The following HLCS variants were observed in gnomAD, a reference collection of about 807,000 sequenced individuals.
HLCS encodes biotin--protein ligase.
In HLCS, 53 loss-of-function variants were observed where a neutral mutation model predicts 75.0. The observed-to-expected ratio is 0.71, with a 90% CI of 0.57 to 0.89. The LOEUF (loss-of-function observed/expected upper bound fraction) is 0.89, where lower values mean the gene tolerates loss of function less well. Ranked by LOEUF, HLCS falls within the 40% of genes least tolerant of loss-of-function variation. HLCS has a pLI of 0.00. For missense variants in HLCS, 966 were observed against 1,074.0 expected, an observed-to-expected ratio of 0.90 and a Z score of 1.41; for synonymous variants, 431 against 428.6, an observed-to-expected ratio of 1.01 and a Z score of -0.07.
intron 2 of HLCS, among the ~76,000 whole-genome samples, chr21:36,958,311 C>T (rs2146645359): frequency 6.6e-6 from 1 of 151,592 alleles, no homozygotes; most frequent in South Asian, 2.1e-4. Context: ...GTCGTATCAA[C>T]AGCTGGTCGT....
At chr21:36,984,370 TAATAA>T (rs1248289605) in intron 1 of HLCS, among the ~76,000 whole-genome samples, 7 of 152,144 alleles carry the variant, frequency 4.6e-5, no homozygotes, top group Non-Finnish European at 1.0e-4. Context: ...AATAAACTAA[TAATAA>T]AATTAAATAA....
At chr21:36,768,688 G>A (rs1601158276) in intron 6 of HLCS, among the ~76,000 whole-genome samples, 2 of 152,208 alleles carry the variant, frequency 1.3e-5, no homozygotes, top group African/African-American at 2.4e-5. Flanking sequence ...TGGCCTCGCC[G>A]CCCATGTGCC....
intron 5 of HLCS, among the ~76,000 whole-genome samples, chr21:36,909,650 T>C (rs1029164557): frequency 1.4e-4 from 21 of 152,286 alleles, no homozygotes; most frequent in African/African-American, 5.1e-4. Context: ...TGGAGTGCAA[T>C]GACGTGATCA....
Position 36,962,179 on chromosome 21 carries a change from AG to A in HLCS, c.196-10del. ...TTCAAGTCTTCAATGGACTGTATAG[AG>A]GGAAAGAAATATAATGAGATTGTCA... On this transcript the variant is annotated splice_polypyrimidine_tract_variant and intron_variant, in intron 1 of 10. Transcript: ENST00000674895. 1.6e-6 allele frequency: 2 copies of A among 1,284,566 alleles called. No homozygotes were observed. The highest frequency in any genetic ancestry group is 2.0e-6 in the Non-Finnish European group (2 of 985,700). The allele number at this position is 1,284,566 out of a possible 1,614,324, so 79.6% of individuals were successfully genotyped here.
chr21:36,754,429 G>T lies in HLCS; in HGVS notation c.2451-12C>A. ...GGACTTGCTGACCACTGAAAAGGAA[G>T]AACAGCGTGCGGTCACTGGGAGGTG... On this transcript the variant is annotated splice_polypyrimidine_tract_variant and intron_variant, in intron 10 of 10. Transcript: ENST00000674895. 2 of 1,609,718 alleles carry T rather than the reference G, an allele frequency of 1.2e-6. No homozygotes were observed. The highest frequency in any genetic ancestry group is 1.7e-6 in the Non-Finnish European group (2 of 1,179,640).
At chr21:36,830,722 G>C (rs2146046177) in intron 6 of HLCS, among the ~76,000 whole-genome samples, 1 of 147,626 alleles carries the variant, frequency 6.8e-6, no homozygotes, top group South Asian at 2.2e-4. Context: ...CACATCTGTA[G>C]TCTCAACAAC....
In HLCS at chr21:36,938,985, A is replaced by T; in HGVS notation, c.340T>A (p.Trp114Arg). The change falls in exon 3 of 11, where the codon TGG becomes AGG. Residue 114 changes from tryptophan (W) to arginine (R), a missense_variant. Trp to Arg is a moderately radical substitution (Grantham distance 101, BLOSUM62 -3). Transcript: ENST00000674895. ...RSSSSETIVK[W>R]SDCCLPLACR... ...GCTAATGGCAAACAACAGTCTGACC[A>T]CTTGACAATCTGAGAAAAAGCAGGA... The T allele has an allele frequency of 6.2e-7, 1 of 1,607,442 alleles. No homozygotes were observed. The highest frequency in any genetic ancestry group is 8.5e-7 in the Non-Finnish European group (1 of 1,179,448).
Position 36,936,850 on chromosome 21 carries a change from G to A in HLCS, c.1036C>T (p.His346Tyr). 2 of 1,614,168 alleles carry A rather than the reference G, an allele frequency of 1.2e-6. No homozygotes were observed. The highest frequency in any genetic ancestry group is 1.7e-6 in the Non-Finnish European group (2 of 1,180,038). ...CVDIDSYILY[H>Y]LLEDSALRDP... ...CTGAGAGCACTGTCCTCCAGCAGGT[G>A]GTAGAGAATATAACTGTCAATGTCC... The change falls in exon 4 of 11, where the codon CAC becomes TAC. Residue 346 changes from histidine (H) to tyrosine (Y), a missense_variant. His to Tyr is a moderately conservative substitution (Grantham distance 83). Transcript: ENST00000674895.
chr21:36,974,914 C>G (rs1471180872), intron 1 of HLCS: 2 of 152,154 alleles, frequency 1.3e-5, no homozygotes, highest in African/African-American at 4.8e-5. Flanking sequence ...CCAGCACATC[C>G]AAGTTCTCCG....
At chr21:36,940,832 G>A (rs145556895) in intron 2 of HLCS, among the ~76,000 whole-genome samples, 38 of 152,338 alleles carry the variant, frequency 2.5e-4, no homozygotes, top group African/African-American at 8.4e-4. Context: ...GTCAAGGGAC[G>A]GACCTGGTGG....
At chr21:36,754,974 G>A (rs945230621) in intron 10 of HLCS, among the ~76,000 whole-genome samples, 2 of 152,160 alleles carry the variant, frequency 1.3e-5, no homozygotes, top group Non-Finnish European at 2.9e-5. Context: ...AAGAAAAGCT[G>A]AAAGAATAGT....
intron 6 of HLCS, among the ~76,000 whole-genome samples, chr21:36,857,846 G>C (rs907406706): frequency 1.3e-5 from 2 of 152,160 alleles, no homozygotes; most frequent in African/African-American, 4.8e-5. Flanking sequence ...CTGAAGTGCA[G>C]TGGTGCAATC....
intron 6 of HLCS, among the ~76,000 whole-genome samples, chr21:36,771,996 CAA>C (rs398061730): frequency 1.9e-5 from 2 of 107,370 alleles, no homozygotes; most frequent in Admixed American, 9.9e-5. Context: ...GACTCCAACT[CAA>C]AAAAAAAAAA....
intron 6 of HLCS, among the ~76,000 whole-genome samples, chr21:36,853,359 G>A (rs2063078750): frequency 6.6e-6 from 1 of 152,142 alleles, no homozygotes; most frequent in Non-Finnish European, 1.5e-5. Flanking sequence ...GTGTAACTAT[G>A]GAAGGAAGTA....
At chr21:36,968,142 C>G (rs2068684051), upstream of HLCS, among the ~76,000 whole-genome samples, 1 of 152,088 alleles carries the variant, frequency 6.6e-6, no homozygotes, top group Admixed American at 6.6e-5. Flanking sequence ...GCCACCATGC[C>G]CAGCTAATTT....
intron 4 of HLCS, 24 bp downstream of exon 4, chr21:36,936,425 C>T: frequency 1.3e-6 from 2 of 1,594,666 alleles, no homozygotes; most frequent in Non-Finnish European, 1.7e-6. Context: ...CCAAAGATCA[C>T]CAAATCCATG....
intron 4 of HLCS, among the ~76,000 whole-genome samples, chr21:36,932,419 C>T (rs1239904612): frequency 2.0e-5 from 3 of 152,178 alleles, no homozygotes; most frequent in African/African-American, 7.2e-5. Flanking sequence ...ATTTCTTGGA[C>T]ACCAGAAAGG....
intron 2 of HLCS, among the ~76,000 whole-genome samples, chr21:36,955,726 T>C (rs906982012): frequency 6.6e-6 from 1 of 152,238 alleles, no homozygotes; most frequent in Non-Finnish European, 1.5e-5. Context: ...TCTAAAGTAG[T>C]GACTGTTGTG....
chr21:36,778,069 C>T (rs990900309), intron 6 of HLCS, among the ~76,000 whole-genome samples: 2 of 151,964 alleles, frequency 1.3e-5, no homozygotes, highest in African/African-American at 4.8e-5. Flanking sequence ...CCCGGGTTCA[C>T]ACCATTCTCC....
Sources: gnomAD v4.1 joint callset for allele counts (sites outside exome capture counted in the v4.1 genomes callset) on GRCh38, gnomAD v4.1.1 for gene constraint, MANE v1.5 for transcripts, NCBI Gene and HGNC (gene_info 2026-07-23, HGNC 2026-07-21) for gene names.